Variants in RANBP2 observed in about 807,000 individuals in gnomAD.
The protein encoded by RANBP2 is E3 SUMO-protein ligase RanBP2.
Under a neutral mutation model 303.6 loss-of-function variants are expected in RANBP2, and 57 were observed. That is an observed-to-expected ratio of 0.19 (90% CI 0.15 to 0.23). The LOEUF (loss-of-function observed/expected upper bound fraction) is 0.23, where lower values mean the gene tolerates loss of function less well. Ranked by LOEUF, RANBP2 falls within the 10% of genes least tolerant of loss-of-function variation. The pLI is 1.00. For synonymous variants in RANBP2, 1,167 were observed against 1,301.5 expected, an observed-to-expected ratio of 0.90 and a Z score of 2.23; for missense variants, 3,138 against 3,780.8, an observed-to-expected ratio of 0.83 and a Z score of 4.46.
the RANBP2 span, chr2:109,398,519 A>C: frequency 7.5e-7 from 1 of 1,330,948 alleles, no homozygotes; most frequent in Non-Finnish European, 1.0e-6. Context: ...TGTGGCCTGG[A>C]GAGTGCAGAG....
the RANBP2 span, among the ~76,000 whole-genome samples, chr2:109,553,722 C>T: frequency 6.6e-6 from 1 of 151,722 alleles, no homozygotes; most frequent in African/African-American, 2.4e-5. Flanking sequence ...GGCATGGTGG[C>T]GTGCGCCTGT....
the RANBP2 span, among the ~76,000 whole-genome samples, chr2:109,183,352 A>G: frequency 6.6e-6 from 1 of 152,210 alleles, no homozygotes; most frequent in African/African-American, 2.4e-5. Context: ...GTGAGAGTCT[A>G]CACAGGGAAC....
chr2:109,591,208 G>C, the RANBP2 span, among the ~76,000 whole-genome samples: 2 of 152,170 alleles, frequency 1.3e-5, no homozygotes, highest in African/African-American at 4.8e-5. Flanking sequence ...AAGATGGTAA[G>C]AACTTCATAA....
the RANBP2 span, among the ~76,000 whole-genome samples, chr2:109,349,745 C>T: frequency 1.3e-5 from 2 of 152,220 alleles, no homozygotes; most frequent in Non-Finnish European, 2.9e-5. Context: ...GTCGCAGGGC[C>T]CTGGAGCCTC....
the RANBP2 span, among the ~76,000 whole-genome samples, chr2:109,726,982 A>C: frequency 2.0e-5 from 3 of 152,190 alleles, no homozygotes; most frequent in Non-Finnish European, 4.4e-5. Flanking sequence ...AGACTGAATG[A>C]GAACTGGCTA....
chr2:108,752,796 A>G (rs1676005580), intron 12 of RANBP2, among the ~76,000 whole-genome samples: 1 of 151,894 alleles, frequency 6.6e-6, no homozygotes. Context: ...CTGTCTCAAA[A>G]AAAAAAAAAA....
chr2:109,705,737 C>T, the RANBP2 span, among the ~76,000 whole-genome samples: 386 of 152,300 alleles, frequency 2.5e-3, 1 homozygote, highest in African/African-American at 8.0e-3. Flanking sequence ...CTCCAAAATA[C>T]GAACTTGGGG....
At chr2:109,165,022 C>T in the RANBP2 span, among the ~76,000 whole-genome samples, 2 of 152,128 alleles carry the variant, frequency 1.3e-5, no homozygotes, top group Non-Finnish European at 2.9e-5. Context: ...TGAGGAAGGC[C>T]AGTTTCCTTC....
At chr2:109,128,129 C>T in the RANBP2 span, 2 of 152,230 alleles carry the variant, frequency 1.3e-5, no homozygotes, top group Admixed American at 6.5e-5. Flanking sequence ...CCAGCCCTTC[C>T]CGACGGGAAC....
the RANBP2 span, among the ~76,000 whole-genome samples, chr2:109,003,205 CAA>C: frequency 1.8e-4 from 8 of 45,432 alleles, no homozygotes; most frequent in African/African-American, 2.4e-4. Context: ...GTCTCCCTCT[CAA>C]AAAAAAAAAA....
At chr2:109,059,838 G>A in the RANBP2 span, among the ~76,000 whole-genome samples, 2 of 151,960 alleles carry the variant, frequency 1.3e-5, no homozygotes, top group African/African-American at 2.4e-5. Context: ...GGTGGGTGGG[G>A]GGGATGTGGC....
chr2:108,740,577 A>G lies in RANBP2; in HGVS notation c.871A>G (p.Met291Val), dbSNP rs542732311. The change falls in exon 7 of 29, where the codon ATG becomes GTG. Residue 291 changes from methionine (M) to valine (V), a missense_variant. Physicochemically the swap from Met to Val is conservative, Grantham distance 21. Transcript: ENST00000283195. ...TFLEMKGHFY[M>V]HAGSLLLKMG... ...CTTAGAAATGAAAGGACATTTCTAC[A>G]TGCATGCTGGTTCTCTGCTTTTGAA... 6.4e-5 allele frequency: 102 copies of G among 1,597,582 alleles called. No homozygotes were observed. Among genetic ancestry groups the G allele is most frequent in the Non-Finnish European group, 8.0e-5 (94 of 1,179,784 alleles).
At chr2:108,943,987 TGG>T in the RANBP2 span, among the ~76,000 whole-genome samples, 2 of 152,220 alleles carry the variant, frequency 1.3e-5, no homozygotes, top group African/African-American at 2.4e-5. Flanking sequence ...TGAATGCATG[TGG>T]AAGTGTTTTG....
chr2:109,710,567 C>A, the RANBP2 span, among the ~76,000 whole-genome samples: 1 of 152,170 alleles, frequency 6.6e-6, no homozygotes, highest in Non-Finnish European at 1.5e-5. Flanking sequence ...TGCGAGGTGC[C>A]AAAGCCTCAA....
intron 6 of RANBP2, among the ~76,000 whole-genome samples, chr2:108,739,011 G>A (rs114144396): frequency 6.6e-6 from 1 of 152,066 alleles, no homozygotes; most frequent in South Asian, 2.1e-4. Context: ...TTGCATTTTT[G>A]TGAATCTTTT....
At chr2:109,286,685 A>G in the RANBP2 span, among the ~76,000 whole-genome samples, 1 of 152,194 alleles carries the variant, frequency 6.6e-6, no homozygotes, top group Admixed American at 6.5e-5. Flanking sequence ...GGCATAGCTC[A>G]TCTGCTAGCA....
chr2:109,234,891 CAA>C, the RANBP2 span, among the ~76,000 whole-genome samples: 1 of 152,200 alleles, frequency 6.6e-6, no homozygotes, highest in African/African-American at 2.4e-5. Context: ...GGATTCAGGG[CAA>C]ACTAGTTTGT....
downstream of RANBP2, among the ~76,000 whole-genome samples, chr2:108,787,500 C>T (rs139590986): frequency 5.0e-3 from 763 of 152,204 alleles, 4 homozygotes; most frequent in South Asian, 0.021. Context: ...TTAATAACCA[C>T]AGTAATATTT....
At chr2:108,917,271 G>A in the RANBP2 span, among the ~76,000 whole-genome samples, 1 of 152,166 alleles carries the variant, frequency 6.6e-6, no homozygotes, top group Admixed American at 6.5e-5. Context: ...GCAGAACAGA[G>A]GTGGGGAAGG....
Sources: gnomAD v4.1 joint callset for allele counts (sites outside exome capture counted in the v4.1 genomes callset) on GRCh38, gnomAD v4.1.1 for gene constraint, MANE v1.5 for transcripts, NCBI Gene and HGNC (gene_info 2026-07-23, HGNC 2026-07-21) for gene names.